Variants in SLC8A3 observed in about 807,000 individuals in gnomAD.
The protein encoded by SLC8A3 is sodium/calcium exchanger 3.
A neutral mutation model predicts 65.4 loss-of-function variants in SLC8A3; 37 were observed. That is an observed-to-expected ratio of 0.57 (90% CI 0.44 to 0.74). The LOEUF is 0.74. Among genes scored for constraint, SLC8A3 ranks in the 30% least tolerant of loss-of-function variants. The probability of loss-of-function intolerance (pLI) is 0.00; values close to 1 mark genes in which losing one functional copy is unlikely to be tolerated. For synonymous variants in SLC8A3, 461 were observed against 444.5 expected (o/e 1.04, Z -0.47); for missense variants, 1,112 against 1,172.1 (o/e 0.95, Z 0.75).
At chr14:70,175,645 T>C (rs564107898) in intron 1 of SLC8A3, among the ~76,000 whole-genome samples, 2 of 152,312 alleles carry the variant, frequency 1.3e-5, no homozygotes, top group African/African-American at 4.8e-5. Context: ...TGTCACACTG[T>C]ACTGGGCTTA....
intron 3 of SLC8A3, among the ~76,000 whole-genome samples, chr14:70,055,374 C>A (rs1468592283): frequency 6.6e-6 from 1 of 152,082 alleles, no homozygotes; most frequent in Non-Finnish European, 1.5e-5. Flanking sequence ...TTTCCTGGAT[C>A]CCTTGGGATT....
Position 70,166,881 on chromosome 14 carries a change from G to A in SLC8A3, c.1542C>T (p.Ala514=), listed in dbSNP as rs370875412. Residue 514 remains alanine, a synonymous_variant, in exon 2 of 7, where the codon GCC becomes GCT. Coordinates refer to ENST00000356921, the MANE Select transcript of SLC8A3 (RefSeq NM_182932.3). ...NSLPLPRAVL[A]SPCVATVTIL... is the part of the protein sequence containing the mutation. ...TGGTAACTGTGGCCACACAAGGGGA[G>A]GCTAGGACAGCCCGAGGCAAGGGAA... is the stretch of plus-strand genomic sequence containing the variant. 3.1e-6 allele frequency: 5 copies of A among 1,614,016 alleles called. No individual in the cohort carries two copies. The African/African-American group carries it at 6.7e-5, about 22-fold the overall frequency.
At chr14:70,155,152 C>T (rs1240504757) in intron 2 of SLC8A3, among the ~76,000 whole-genome samples, 1 of 152,098 alleles carries the variant, frequency 6.6e-6, no homozygotes, top group Non-Finnish European at 1.5e-5. Context: ...AACTCCTGAC[C>T]TTAGGTGATC....
At chr14:70,060,020 G>A (rs1594907317) in intron 3 of SLC8A3, among the ~76,000 whole-genome samples, 2 of 152,258 alleles carry the variant, frequency 1.3e-5, no homozygotes, top group African/African-American at 4.8e-5. Context: ...AATGGCATGG[G>A]GTGGGATGCC....
In SLC8A3 at chr14:70,048,837, G is replaced by C; in HGVS notation, c.2319C>G (p.Phe773Leu). Residue 773 changes from phenylalanine to leucine, a missense_variant, in exon 6 of 7, where the codon TTC becomes TTG. Phe to Leu is a conservative substitution (Grantham distance 22). Transcript: ENST00000356921. ...TAIIGDLASHFGCTIGLKDSV... is the reference protein window; with the variant it reads ...TAIIGDLASHLGCTIGLKDSV... ...AATCTTTGAGACCAATGGTGCAGCC[G>C]AAGTGCGAGGCCAGGTCCCCAATGA... 6.2e-7 allele frequency: 1 copy of C among 1,614,076 alleles called. No individual in the cohort carries two copies. Among genetic ancestry groups the C allele is most frequent in the Non-Finnish European group, 8.5e-7 (1 of 1,179,976 alleles).
intron 2 of SLC8A3, among the ~76,000 whole-genome samples, chr14:70,114,901 G>C (rs1377572654): frequency 6.6e-6 from 1 of 152,084 alleles, no homozygotes; most frequent in Non-Finnish European, 1.5e-5. Flanking sequence ...GTGTTTCCTT[G>C]TCTCTTCCTC....
chr14:70,119,121 GA>G (rs1893862059), intron 2 of SLC8A3, among the ~76,000 whole-genome samples: 1 of 152,018 alleles, frequency 6.6e-6, no homozygotes, highest in Non-Finnish European at 1.5e-5. Flanking sequence ...GGGATTGGGG[GA>G]ATGGTGTGTT....
chr14:70,070,411 A>T (rs1258604575), intron 2 of SLC8A3, among the ~76,000 whole-genome samples: 1 of 152,184 alleles, frequency 6.6e-6, no homozygotes, highest in Non-Finnish European at 1.5e-5. Context: ...GAACCAGAGG[A>T]CCAGAAAAGT....
intron 1 of SLC8A3, among the ~76,000 whole-genome samples, chr14:70,181,271 C>A (rs768380269): frequency 1.3e-5 from 2 of 152,150 alleles, no homozygotes; most frequent in Non-Finnish European, 2.9e-5. Flanking sequence ...AATTTTGACT[C>A]CACCACTGTC....
intron 2 of SLC8A3, among the ~76,000 whole-genome samples, chr14:70,139,880 A>G (rs953949480): frequency 6.6e-6 from 1 of 152,210 alleles, no homozygotes; most frequent in Non-Finnish European, 1.5e-5. Flanking sequence ...GATGAAAGAC[A>G]GAGTGTGTGA....
chr14:70,177,084 C>T (rs1042409153), intron 1 of SLC8A3, among the ~76,000 whole-genome samples: 3 of 152,184 alleles, frequency 2.0e-5, no homozygotes, highest in Admixed American at 6.5e-5. Context: ...TTTTTTTCCA[C>T]ACACTCAAAA....
chr14:70,065,821 C>T (rs1052301700), intron 2 of SLC8A3, among the ~76,000 whole-genome samples: 4 of 152,198 alleles, frequency 2.6e-5, no homozygotes, highest in Admixed American at 2.6e-4. Flanking sequence ...CAGGTGGTGA[C>T]CCAAGGGGTG....
chr14:70,109,995 G>A (rs1893171717), intron 2 of SLC8A3, among the ~76,000 whole-genome samples: 1 of 151,982 alleles, frequency 6.6e-6, no homozygotes, highest in Admixed American at 6.6e-5. Context: ...TTACAATATG[G>A]AGACATGTAG....
chr14:70,097,057 G>T (rs970735359), intron 2 of SLC8A3, among the ~76,000 whole-genome samples: 1 of 152,150 alleles, frequency 6.6e-6, no homozygotes, highest in Non-Finnish European at 1.5e-5. Context: ...AGGACTGTGG[G>T]CTGGCCGCTA....
intron 2 of SLC8A3, among the ~76,000 whole-genome samples, chr14:70,151,210 T>A (rs1271758793): frequency 6.7e-6 from 1 of 148,706 alleles, no homozygotes; most frequent in Non-Finnish European, 1.5e-5. Context: ...GCCGAGATCG[T>A]GCCACTGCAC....
At chr14:70,063,105 T>A (rs1889005682) in intron 2 of SLC8A3, among the ~76,000 whole-genome samples, 1 of 152,064 alleles carries the variant, frequency 6.6e-6, no homozygotes, top group Admixed American at 6.5e-5. Context: ...TCCATTTGGG[T>A]CAGGATGATC....
At chr14:70,095,679 GA>G (rs1004857354) in intron 2 of SLC8A3, among the ~76,000 whole-genome samples, 2 of 152,174 alleles carry the variant, frequency 1.3e-5, no homozygotes, top group African/African-American at 2.4e-5. Context: ...GGTGGATCCT[GA>G]TTTTTCTATG....
chr14:70,154,179 G>A (rs1896439660), intron 2 of SLC8A3, among the ~76,000 whole-genome samples: 1 of 152,212 alleles, frequency 6.6e-6, no homozygotes, highest in African/African-American at 2.4e-5. Context: ...CTACATATGA[G>A]GAAAAGGGAG....
intron 2 of SLC8A3, among the ~76,000 whole-genome samples, chr14:70,081,087 G>A (rs1891015319): frequency 6.6e-6 from 1 of 152,166 alleles, no homozygotes; most frequent in African/African-American, 2.4e-5. Context: ...GAAAGCCTTT[G>A]GTGAAATAGA....
Sources: allele counts gnomAD v4.1 joint callset (sites outside exome capture counted in the v4.1 genomes callset), GRCh38; gene constraint gnomAD v4.1.1; transcripts MANE v1.5; gene names NCBI Gene and HGNC (gene_info 2026-07-23, HGNC 2026-07-21).